Variants in LMCD1 observed in about 807,000 individuals in gnomAD.
LMCD1 encodes LIM and cysteine rich domains 1.
LMCD1 carries 32 observed loss-of-function variants against 42.7 expected under a neutral mutation model. The ratio of observed to expected loss-of-function variants is 0.75; its 90% CI spans 0.57 to 1.01. The LOEUF is 1.01. Ranked by LOEUF, LMCD1 falls within the 50% of genes least tolerant of loss-of-function variation. The pLI is 0.00. For synonymous variants in LMCD1, 178 were observed against 184.9 expected (o/e 0.96, Z 0.30); for missense variants, 458 against 483.1 (o/e 0.95, Z 0.49).
intron 1 of LMCD1, among the ~76,000 whole-genome samples, chr3:8,508,899 G>A (rs1414566138): frequency 1.3e-5 from 2 of 152,114 alleles, no homozygotes; most frequent in Non-Finnish European, 2.9e-5. Flanking sequence ...ACTTAGCTTT[G>A]GCCACAAGGT....
At chr3:8,533,220 T>G (rs1364575262) in intron 2 of LMCD1, among the ~76,000 whole-genome samples, 2 of 152,042 alleles carry the variant, frequency 1.3e-5, no homozygotes, top group African/African-American at 2.4e-5. Context: ...TGGGTTTTGG[T>G]CTAGAGTGGC....
intron 1 of LMCD1, 94 bp from the exon 2 acceptor site, chr3:8,532,643 T>C: frequency 9.8e-7 from 1 of 1,015,470 alleles, no homozygotes; most frequent in East Asian, 2.4e-5. Context: ...CCCCACACAG[T>C]CCCTTTGCCA....
In LMCD1 at chr3:8,565,463, C is replaced by T; in HGVS notation, c.755C>T (p.Pro252Leu). The T allele has an allele frequency of 6.2e-7, 1 of 1,614,208 alleles. No homozygotes were observed. Among genetic ancestry groups the T allele is most frequent in the Non-Finnish European group, 8.5e-7 (1 of 1,180,034 alleles). ...VCELCKGAAP[P>L]DSPVVYSDRA... is the part of the protein sequence containing the mutation. ...GAGCTCTGCAAGGGAGCGGCCCCTC[C>T]TGACAGCCCCGTGGTCTACTCGGAC... The change falls in exon 5 of 6, where the codon CCT becomes CTT. Residue 252 changes from proline to leucine, a missense_variant. Coordinates refer to ENST00000157600, the MANE Select transcript of LMCD1 (RefSeq NM_014583.4).
At chr3:8,560,621 A>T (rs1695017651) in intron 4 of LMCD1, among the ~76,000 whole-genome samples, 1 of 152,216 alleles carries the variant, frequency 6.6e-6, no homozygotes, top group East Asian at 1.9e-4. Flanking sequence ...AAGAAGCCAG[A>T]CAGACAACTC....
chr3:8,521,463 C>G (rs1694203748), intron 1 of LMCD1, among the ~76,000 whole-genome samples: 1 of 152,182 alleles, frequency 6.6e-6, no homozygotes, highest in Non-Finnish European at 1.5e-5. Context: ...CCATGCTTCC[C>G]CTTCTCAAAG....
chr3:8,527,405 C>G (rs1051878019), intron 1 of LMCD1, among the ~76,000 whole-genome samples: 38 of 152,170 alleles, frequency 2.5e-4, no homozygotes, highest in Admixed American at 2.5e-3. Context: ...AATAATTATA[C>G]TTCAGTGGGA....
At chr3:8,512,499 G>T (rs147675928) in intron 1 of LMCD1, among the ~76,000 whole-genome samples, 163 of 152,286 alleles carry the variant, frequency 1.1e-3, no homozygotes, top group African/African-American at 3.7e-3. Flanking sequence ...ACATTATGGT[G>T]ATCATCCCTG....
intron 4 of LMCD1, among the ~76,000 whole-genome samples, chr3:8,556,728 T>A (rs1167247412): frequency 6.6e-6 from 1 of 152,202 alleles, no homozygotes; most frequent in East Asian, 1.9e-4. Context: ...AAGGAGCCAG[T>A]CCTTGGGCCC....
chr3:8,523,992 C>A (rs970623907), intron 1 of LMCD1, among the ~76,000 whole-genome samples: 3 of 152,098 alleles, frequency 2.0e-5, no homozygotes, highest in African/African-American at 7.2e-5. Flanking sequence ...GATTGTGTAA[C>A]CCTGTTTTGG....
At chr3:8,511,200 A>C (rs1215361498) in intron 1 of LMCD1, among the ~76,000 whole-genome samples, 3 of 152,250 alleles carry the variant, frequency 2.0e-5, no homozygotes, top group Non-Finnish European at 2.9e-5. Context: ...AATGTGTGTT[A>C]AACACAAGGC....
chr3:8,545,988 G>A (rs987631877), intron 3 of LMCD1, among the ~76,000 whole-genome samples: 1 of 152,152 alleles, frequency 6.6e-6, no homozygotes, highest in Admixed American at 6.5e-5. Flanking sequence ...TTAGCCGGGT[G>A]TAATGGCTCA....
intron 4 of LMCD1, among the ~76,000 whole-genome samples, chr3:8,562,474 G>A (rs987647674): frequency 5.9e-5 from 9 of 152,150 alleles, no homozygotes; most frequent in Non-Finnish European, 1.2e-4. Flanking sequence ...TTGAATCCCA[G>A]CTCTGTTTCT....
At chr3:8,562,743 G>T (rs895200440) in intron 4 of LMCD1, among the ~76,000 whole-genome samples, 1 of 152,238 alleles carries the variant, frequency 6.6e-6, no homozygotes, top group South Asian at 2.1e-4. Context: ...CACACTCCAT[G>T]ATTATCTCAT....
In LMCD1 at chr3:8,524,892, C is replaced by A. The variant is rs543158161; in HGVS notation, c.43-7845C>A. Among the ~76,000 whole-genome samples, 191 of 151,920 alleles carry A rather than the reference C, an allele frequency of 1.3e-3. 1 individual carries two copies. The highest frequency in any genetic ancestry group is 2.4e-3 in the Non-Finnish European group (165 of 67,958). Reference sequence around the variant, plus strand: ...TAGAGATGAGGTGTCACTATGTTGCCCAGACTGGTCTCAAACTCCTGGGCT... The same window carrying A: ...TAGAGATGAGGTGTCACTATGTTGCACAGACTGGTCTCAAACTCCTGGGCT... On this transcript the variant is annotated intron_variant, in intron 1 of 5. Coordinates refer to ENST00000157600, the MANE Select transcript of LMCD1 (RefSeq NM_014583.4).
chr3:8,556,127 A>G (rs531370459), intron 4 of LMCD1, among the ~76,000 whole-genome samples: 6 of 152,318 alleles, frequency 3.9e-5, no homozygotes, highest in Admixed American at 6.5e-5. Context: ...TTCATTGACT[A>G]CCTAGGTTAT....
intron 1 of LMCD1, chr3:8,514,791 A>T: frequency 2.9e-6 from 1 of 350,780 alleles, no homozygotes; most frequent in Non-Finnish European, 5.7e-6. Flanking sequence ...ACCATGTTCG[A>T]AAACAGGCAA....
At chr3:8,502,812 G>C (rs1327759244) in intron 1 of LMCD1, among the ~76,000 whole-genome samples, 1 of 152,164 alleles carries the variant, frequency 6.6e-6, no homozygotes, top group Non-Finnish European at 1.5e-5. Flanking sequence ...ATGCAGCTGG[G>C]AGAAGGCACA....
rs538247505 is a variant in LMCD1 at position 8,565,862 on chromosome 3, G to A, written c.939+215G>A. Among the ~76,000 whole-genome samples the A allele has an allele frequency of 1.4e-4, 22 of 152,322 alleles. No homozygotes were observed. In the South Asian group the frequency reaches 1.7e-3, roughly 11 times the overall value. On this transcript the variant is annotated intron_variant, in intron 5 of 5. Coordinates refer to ENST00000157600, the MANE Select transcript of LMCD1 (RefSeq NM_014583.4). ...GTTGGGAGGGGTCAGACACAGTGCC[G>A]GTGAATCTTGTCCTTGGCATAATGC...
chr3:8,519,917 T>TGA (rs1553605821), intron 1 of LMCD1, among the ~76,000 whole-genome samples: 3 of 149,740 alleles, frequency 2.0e-5, no homozygotes, highest in South Asian at 2.2e-4. Flanking sequence ...CGTGTGTGTG[T>TGA]GAGAGAGAGT....
Sources: gnomAD v4.1 joint callset for allele counts (sites outside exome capture counted in the v4.1 genomes callset) on GRCh38, gnomAD v4.1.1 for gene constraint, MANE v1.5 for transcripts, NCBI Gene and HGNC (gene_info 2026-07-23, HGNC 2026-07-21) for gene names.